GMDS: variants seen among roughly 807,000 people sequenced by gnomAD.
GMDS encodes GDP-mannose 4,6-dehydratase, also known as GDP-mannose 4,6 dehydratase.
GMDS carries 20 observed loss-of-function variants against 49.9 expected under a neutral mutation model. That is an observed-to-expected ratio of 0.40 (90% CI 0.28 to 0.58). GMDS has a LOEUF of 0.58. Ranked by LOEUF, GMDS falls within the 20% of genes least tolerant of loss-of-function variation. GMDS has a pLI of 0.42. For missense variants in GMDS, 362 were observed against 481.4 expected (o/e 0.75, Z 2.32); for synonymous variants, 177 against 178.6 (o/e 0.99, Z 0.07).
intron 1 of GMDS, among the ~76,000 whole-genome samples, chr6:2,236,469 T>C (rs1781359943): frequency 6.6e-6 from 1 of 152,218 alleles, no homozygotes; most frequent in Admixed American, 6.5e-5. Flanking sequence ...CAAGCATATA[T>C]GCCACACTTG....
At chr6:1,897,868 TC>T (rs1372603098) in intron 7 of GMDS, among the ~76,000 whole-genome samples, 3 of 152,174 alleles carry the variant, frequency 2.0e-5, no homozygotes, top group Non-Finnish European at 4.4e-5. Flanking sequence ...CAAAAGAAGC[TC>T]CTGATAACTG....
intron 4 of GMDS, among the ~76,000 whole-genome samples, chr6:2,065,212 C>T (rs1771486083): frequency 6.6e-6 from 1 of 152,104 alleles, no homozygotes; most frequent in Admixed American, 6.6e-5. Flanking sequence ...AGCTGAGGGT[C>T]CTGTCTGTTA....
intron 8 of GMDS, among the ~76,000 whole-genome samples, chr6:1,733,625 G>A (rs977055582): frequency 5.9e-5 from 9 of 152,280 alleles, no homozygotes; most frequent in African/African-American, 2.4e-5. Context: ...GAGACTAGTC[G>A]GGGCAACATG....
intron 1 of GMDS, among the ~76,000 whole-genome samples, chr6:2,220,731 A>G (rs540233474): frequency 2.6e-5 from 4 of 152,332 alleles, no homozygotes; most frequent in Admixed American, 2.0e-4. Flanking sequence ...AGATTTGTAT[A>G]TACATTTCTC....
At chr6:1,984,814 C>G (rs1294092284) in intron 4 of GMDS, among the ~76,000 whole-genome samples, 1 of 152,176 alleles carries the variant, frequency 6.6e-6, no homozygotes, top group East Asian at 1.9e-4. Flanking sequence ...ACTGCTGCCA[C>G]TCTCTGTACA....
intron 1 of GMDS, among the ~76,000 whole-genome samples, chr6:2,147,236 T>C (rs754527048): frequency 1.3e-5 from 2 of 152,156 alleles, no homozygotes; most frequent in Admixed American, 6.5e-5. Context: ...AAGTTACCGG[T>C]TGGCCAAAAT....
At chr6:1,767,298 GACA>G (rs1561791731) in intron 7 of GMDS, among the ~76,000 whole-genome samples, 4 of 152,096 alleles carry the variant, frequency 2.6e-5, no homozygotes, top group African/African-American at 9.6e-5. Flanking sequence ...TAACAGAAAC[GACA>G]ACAACTCTTA....
intron 7 of GMDS, among the ~76,000 whole-genome samples, chr6:1,828,339 A>G (rs1163602867): frequency 6.6e-6 from 1 of 152,200 alleles, no homozygotes; most frequent in Non-Finnish European, 1.5e-5. Flanking sequence ...TGCAGGAGTC[A>G]CAGAAGAAGC....
At chr6:2,231,345 G>A (rs1781100992) in intron 1 of GMDS, among the ~76,000 whole-genome samples, 1 of 152,048 alleles carries the variant, frequency 6.6e-6, no homozygotes, top group Non-Finnish European at 1.5e-5. Flanking sequence ...GATGGCTTGA[G>A]CTCACAAGTT....
chr6:1,891,649 C>T (rs1759876921), intron 7 of GMDS, among the ~76,000 whole-genome samples: 1 of 152,228 alleles, frequency 6.6e-6, no homozygotes, highest in African/African-American at 2.4e-5. Flanking sequence ...CTAGGGCAGT[C>T]ATTCTTAAAA....
intron 8 of GMDS, among the ~76,000 whole-genome samples, chr6:1,729,226 C>T (rs976263796): frequency 6.6e-6 from 1 of 152,174 alleles, no homozygotes; most frequent in Non-Finnish European, 1.5e-5. Context: ...TGGGAAAAGG[C>T]TGAAGGAGAA....
chr6:2,040,501 A>C (rs1038047554), intron 4 of GMDS, among the ~76,000 whole-genome samples: 4 of 152,214 alleles, frequency 2.6e-5, no homozygotes, highest in African/African-American at 9.7e-5. Context: ...CTCTTTATAG[A>C]AAGCACATTA....
chr6:2,050,961 G>A (rs991948973), intron 4 of GMDS, among the ~76,000 whole-genome samples: 2 of 152,092 alleles, frequency 1.3e-5, no homozygotes, highest in Non-Finnish European at 1.5e-5. Flanking sequence ...CCTGTCAGGG[G>A]GTGTGGGGCT....
intron 9 of GMDS, among the ~76,000 whole-genome samples, chr6:1,707,855 T>C (rs1033727953): frequency 1.3e-5 from 2 of 152,190 alleles, no homozygotes; most frequent in African/African-American, 4.8e-5. Context: ...TCAGGCATGT[T>C]ATTGGGAAAA....
chr6:1,945,905 C>T (rs746287245), intron 6 of GMDS, among the ~76,000 whole-genome samples: 10 of 152,100 alleles, frequency 6.6e-5, no homozygotes, highest in Non-Finnish European at 1.2e-4. Flanking sequence ...CAGCAGTATC[C>T]CTGACATGGT....
chr6:2,076,279 A>T (rs1450671894), intron 4 of GMDS, among the ~76,000 whole-genome samples: 1 of 152,184 alleles, frequency 6.6e-6, no homozygotes, highest in African/African-American at 2.4e-5. Context: ...CAAATGGAAG[A>T]ACTTTCCATG....
At chr6:1,639,583 CT>C (rs542480238) in intron 9 of GMDS, among the ~76,000 whole-genome samples, 1 of 152,220 alleles carries the variant, frequency 6.6e-6, no homozygotes, top group Non-Finnish European at 1.5e-5. Context: ...TGAGCATGAG[CT>C]TTGGAGTCAG....
chr6:1,626,265 T>A (rs879313189), intron 9 of GMDS: 2 of 152,370 alleles, frequency 1.3e-5, no homozygotes, highest in Admixed American at 6.5e-5. Context: ...GCTTTGCATT[T>A]CGCAATACAC....
chr6:1,856,166 T>C (rs1757929468), intron 7 of GMDS, among the ~76,000 whole-genome samples: 2 of 152,218 alleles, frequency 1.3e-5, no homozygotes, highest in South Asian at 4.1e-4. Context: ...AGGATCAAAC[T>C]TGTCGGTAGT....
Sources: gnomAD v4.1 joint callset for allele counts (sites outside exome capture counted in the v4.1 genomes callset) on GRCh38, gnomAD v4.1.1 for gene constraint, MANE v1.5 for transcripts, NCBI Gene and HGNC (gene_info 2026-07-23, HGNC 2026-07-21) for gene names.